MSRA: variants seen among roughly 807,000 people sequenced by gnomAD.
MSRA encodes methionine sulfoxide reductase A.
In MSRA, 54 loss-of-function variants were observed where a neutral mutation model predicts 31.3. The observed-to-expected ratio is 1.73, with a 90% CI of 1.39 to 2.17. The LOEUF is 2.17. Among genes scored for constraint, MSRA ranks in the 30% most tolerant of loss-of-function variants. The probability of loss-of-function intolerance (pLI) is 0.00; values close to 1 mark genes in which losing one functional copy is unlikely to be tolerated. For synonymous variants in MSRA, 169 were observed against 116.5 expected (o/e 1.45, Z -2.90); for missense variants, 507 against 300.9 (o/e 1.69, Z -5.07).
intron 5 of MSRA, among the ~76,000 whole-genome samples, chr8:10,385,732 A>G (rs1239085853): frequency 1.4e-5 from 2 of 147,616 alleles, no homozygotes; most frequent in Non-Finnish European, 3.0e-5. Flanking sequence ...TGGAAGAGCT[A>G]CCGGTGTCAT....
intron 3 of MSRA, among the ~76,000 whole-genome samples, chr8:10,246,935 G>T (rs961841462): frequency 9.9e-5 from 15 of 152,180 alleles, no homozygotes; most frequent in African/African-American, 2.9e-4. Context: ...GAATGGAAAT[G>T]AGTAGATTCC....
chr8:10,125,148 G>T (rs974603240), intron 1 of MSRA, among the ~76,000 whole-genome samples: 11 of 152,234 alleles, frequency 7.2e-5, no homozygotes, highest in Admixed American at 7.2e-4. Context: ...AATTGTGCTT[G>T]AACATTGTAA....
intron 4 of MSRA, among the ~76,000 whole-genome samples, chr8:10,307,532 A>G (rs957953198): frequency 2.0e-5 from 3 of 152,204 alleles, no homozygotes; most frequent in Non-Finnish European, 4.4e-5. Context: ...AAAAAAGCAA[A>G]TATATTAAAA....
intron 5 of MSRA, among the ~76,000 whole-genome samples, chr8:10,327,426 T>TA (rs1345618072): frequency 5.3e-5 from 8 of 152,142 alleles, no homozygotes; most frequent in Non-Finnish European, 1.2e-4. Context: ...AAGTGAAAGG[T>TA]AAAAAAACAG....
intron 1 of MSRA, among the ~76,000 whole-genome samples, chr8:10,155,938 G>A (rs894794368): frequency 6.6e-6 from 1 of 152,152 alleles, no homozygotes; most frequent in African/African-American, 2.4e-5. Flanking sequence ...TGGATGAGAG[G>A]CTGTTGATGT....
At chr8:10,172,771 G>A (rs950568273) in intron 1 of MSRA, among the ~76,000 whole-genome samples, 2 of 152,212 alleles carry the variant, frequency 1.3e-5, no homozygotes, top group African/African-American at 2.4e-5. Flanking sequence ...GACTCAGGTT[G>A]CCTGTAGCTC....
intron 5 of MSRA, among the ~76,000 whole-genome samples, chr8:10,325,547 A>G (rs2129141047): frequency 6.6e-6 from 1 of 152,320 alleles, no homozygotes; most frequent in Admixed American, 6.5e-5. Flanking sequence ...TCATGTATTT[A>G]TGAGGCCCTT....
chr8:10,171,919 G>C (rs548853517), intron 1 of MSRA, among the ~76,000 whole-genome samples: 1 of 152,218 alleles, frequency 6.6e-6, no homozygotes, highest in East Asian at 1.9e-4. Flanking sequence ...CTTAATAGAT[G>C]AGAGAATGCA....
At chr8:10,342,671 G>A (rs968081477) in intron 5 of MSRA, among the ~76,000 whole-genome samples, 3 of 152,152 alleles carry the variant, frequency 2.0e-5, no homozygotes, top group Non-Finnish European at 4.4e-5. Context: ...CGAGTCCAGC[G>A]CAGTTCCCTG....
At chr8:10,212,374 C>T (rs1360236641) in intron 2 of MSRA, among the ~76,000 whole-genome samples, 3 of 151,874 alleles carry the variant, frequency 2.0e-5, no homozygotes, top group African/African-American at 7.3e-5. Flanking sequence ...TATATTATAA[C>T]GTATTGCACC....
intron 2 of MSRA, among the ~76,000 whole-genome samples, chr8:10,225,673 C>T (rs1563240481): frequency 6.6e-6 from 1 of 152,108 alleles, no homozygotes; most frequent in Non-Finnish European, 1.5e-5. Flanking sequence ...TGTTGATGGG[C>T]CGATGTTCTT....
At chr8:10,078,223 C>T (rs1479695002) in intron 1 of MSRA, among the ~76,000 whole-genome samples, 2 of 152,100 alleles carry the variant, frequency 1.3e-5, no homozygotes, top group African/African-American at 2.4e-5. Flanking sequence ...TTTTTCTTTC[C>T]CTCTTCTTCC....
chr8:10,132,386 G>C (rs1223070514), intron 1 of MSRA, among the ~76,000 whole-genome samples: 3 of 152,154 alleles, frequency 2.0e-5, no homozygotes, highest in African/African-American at 7.2e-5. Context: ...CTAAGCCTGG[G>C]GTCTGGTTAC....
chr8:10,113,358 A>G (rs1267351470), intron 1 of MSRA, among the ~76,000 whole-genome samples: 1 of 119,438 alleles, frequency 8.4e-6, no homozygotes, highest in Non-Finnish European at 1.6e-5. Context: ...GATTTGGGAG[A>G]TCTAAAAGAA....
intron 1 of MSRA, among the ~76,000 whole-genome samples, chr8:10,168,892 C>T (rs774214871): frequency 6.6e-6 from 1 of 152,194 alleles, no homozygotes; most frequent in Non-Finnish European, 1.5e-5. Flanking sequence ...ATATTGTTTC[C>T]AGTCACAGAT....
At chr8:10,121,337 C>T (rs1420692236) in intron 1 of MSRA, among the ~76,000 whole-genome samples, 1 of 152,178 alleles carries the variant, frequency 6.6e-6, no homozygotes, top group Non-Finnish European at 1.5e-5. Context: ...GTGGGCAGCA[C>T]TGACCGTGCA....
At chr8:10,207,743 G>C (rs1809121255) in intron 1 of MSRA, 90 bp from the exon 2 acceptor site, 8 of 1,220,572 alleles carry the variant, frequency 6.6e-6, no homozygotes, top group African/African-American at 3.1e-5. Context: ...ACTCAAAGGA[G>C]AAATAGGCTC....
intron 5 of MSRA, among the ~76,000 whole-genome samples, chr8:10,346,397 C>A (rs551792130): frequency 6.6e-6 from 1 of 152,302 alleles, no homozygotes; most frequent in African/African-American, 2.4e-5. Context: ...AGTGTAAACA[C>A]CCTCCCCCAC....
At chr8:10,364,269 C>G (rs1805031430) in intron 5 of MSRA, among the ~76,000 whole-genome samples, 1 of 152,194 alleles carries the variant, frequency 6.6e-6, no homozygotes. Context: ...GTTAGACTGT[C>G]ATCCATGAAC....
Sources: gnomAD v4.1 joint callset for allele counts (sites outside exome capture counted in the v4.1 genomes callset) on GRCh38, gnomAD v4.1.1 for gene constraint, MANE v1.5 for transcripts, NCBI Gene and HGNC (gene_info 2026-07-23, HGNC 2026-07-21) for gene names.